Variants in OSBPL10 observed in about 807,000 individuals in gnomAD.
The protein encoded by OSBPL10 is oxysterol-binding protein-related protein 10.
OSBPL10 carries 49 observed loss-of-function variants against 81.7 expected under a neutral mutation model. The observed-to-expected ratio is 0.60, with a 90% confidence interval of 0.48 to 0.76. The LOEUF (loss-of-function observed/expected upper bound fraction) is 0.76, where lower values mean the gene tolerates loss of function less well. Ranked by LOEUF, OSBPL10 falls within the 30% of genes least tolerant of loss-of-function variation. OSBPL10 has a pLI of 0.00. For missense variants in OSBPL10, 923 were observed against 987.8 expected, an observed-to-expected ratio of 0.93 and a Z score of 0.88; for synonymous variants, 419 against 383.6, an observed-to-expected ratio of 1.09 and a Z score of -1.08.
At chr3:32,010,528 G>A (rs960808476) in intron 2 of OSBPL10, among the ~76,000 whole-genome samples, 1 of 152,178 alleles carries the variant, frequency 6.6e-6, no homozygotes, top group African/African-American at 2.4e-5. Flanking sequence ...TGCAGAATAT[G>A]AATGATTTCT....
intron 8 of OSBPL10, among the ~76,000 whole-genome samples, chr3:31,673,857 G>A (rs576434466): frequency 3.3e-5 from 5 of 151,862 alleles, no homozygotes; most frequent in African/African-American, 4.8e-5. Context: ...GCAGTGGCGC[G>A]ATCATGGCTC....
At chr3:31,857,469 G>C (rs976382386) in intron 3 of OSBPL10, among the ~76,000 whole-genome samples, 1 of 151,912 alleles carries the variant, frequency 6.6e-6, no homozygotes, top group Non-Finnish European at 1.5e-5. Flanking sequence ...ATCAGTGACT[G>C]CCTGATGGAG....
At chr3:31,950,454 A>G (rs551600536) in intron 1 of OSBPL10, among the ~76,000 whole-genome samples, 37 of 152,354 alleles carry the variant, frequency 2.4e-4, no homozygotes, top group East Asian at 7.7e-4. Flanking sequence ...AATTCTTACT[A>G]TATCAAAAAC....
chr3:31,747,504 A>C (rs909217451), intron 5 of OSBPL10, among the ~76,000 whole-genome samples: 1 of 151,466 alleles, frequency 6.6e-6, no homozygotes, highest in Non-Finnish European at 1.5e-5. Context: ...AAAAAAAAAA[A>C]AAAAAACACA....
upstream of OSBPL10, among the ~76,000 whole-genome samples, chr3:31,984,603 G>C (rs1225269608): frequency 6.6e-6 from 1 of 152,180 alleles, no homozygotes; most frequent in African/African-American, 2.4e-5. Context: ...ATCTATAGGA[G>C]TGATGGGGAG....
intron 1 of OSBPL10, among the ~76,000 whole-genome samples, chr3:31,891,273 G>T (rs1241383416): frequency 1.3e-5 from 2 of 152,178 alleles, no homozygotes; most frequent in Non-Finnish European, 2.9e-5. Flanking sequence ...TTAAAACACA[G>T]CTTCCTGGGC....
chr3:31,688,729 A>G (rs932401941), intron 7 of OSBPL10, among the ~76,000 whole-genome samples: 6 of 152,256 alleles, frequency 3.9e-5, no homozygotes, highest in African/African-American at 1.4e-4. Context: ...CTCGAGCAAC[A>G]TGAGAATATT....
At chr3:31,730,976 G>A (rs752292260) in intron 6 of OSBPL10, among the ~76,000 whole-genome samples, 1 of 152,140 alleles carries the variant, frequency 6.6e-6, no homozygotes, top group African/African-American at 2.4e-5. Context: ...CTGCTCATAA[G>A]GCATTCTTAA....
At chr3:31,793,614 T>G (rs1395138615) in intron 4 of OSBPL10, among the ~76,000 whole-genome samples, 1 of 152,196 alleles carries the variant, frequency 6.6e-6, no homozygotes, top group Non-Finnish European at 1.5e-5. Flanking sequence ...GACTGTTCTC[T>G]CTCAAGGTCT....
chr3:31,980,845 A>ACATACACACACGCACG (rs1348392194), intron 1 of OSBPL10, 54 bp downstream of exon 1: 1 of 790,604 alleles, frequency 1.3e-6, no homozygotes, highest in African/African-American at 1.3e-4. Context: ...ACGCACGCAC[A>ACATACACACACGCACG]CACACACACA....
chr3:31,812,648 T>A (rs1341049065), intron 4 of OSBPL10, among the ~76,000 whole-genome samples: 1 of 150,026 alleles, frequency 6.7e-6, no homozygotes, highest in African/African-American at 2.5e-5. Flanking sequence ...CACCTTCTCA[T>A]CTCCTGAATG....
At chr3:31,773,478 T>C (rs1178091032) in intron 4 of OSBPL10, among the ~76,000 whole-genome samples, 1 of 152,148 alleles carries the variant, frequency 6.6e-6, no homozygotes, top group African/African-American at 2.4e-5. Flanking sequence ...GTGAATCACT[T>C]AGAAATGTTG....
intron 3 of OSBPL10, among the ~76,000 whole-genome samples, chr3:31,841,879 G>C (rs775525386): frequency 2.0e-5 from 3 of 152,126 alleles, no homozygotes; most frequent in Non-Finnish European, 2.9e-5. Context: ...ATGAAACTAA[G>C]CTGTATAATT....
intron 4 of OSBPL10, among the ~76,000 whole-genome samples, chr3:31,812,822 A>AAGAAAGAAAG (rs1699741960): frequency 5.8e-5 from 7 of 119,738 alleles, no homozygotes; most frequent in Non-Finnish European, 9.0e-5. Flanking sequence ...AAGAAAGAGA[A>AAGAAAGAAAG]AGAAAGAAAG....
chr3:31,719,948 A>G (rs1696581161), intron 6 of OSBPL10, among the ~76,000 whole-genome samples: 1 of 151,708 alleles, frequency 6.6e-6, no homozygotes, highest in Non-Finnish European at 1.5e-5. Flanking sequence ...CGTACTGACA[A>G]GGGAAGATAC....
At chr3:31,767,266 T>A (rs1698229336) in intron 4 of OSBPL10, among the ~76,000 whole-genome samples, 1 of 152,194 alleles carries the variant, frequency 6.6e-6, no homozygotes, top group African/African-American at 2.4e-5. Context: ...GGGAATAAGT[T>A]CTTCTCCCAC....
At chr3:31,953,582 A>AT (rs1049031909) in intron 1 of OSBPL10, among the ~76,000 whole-genome samples, 1 of 151,820 alleles carries the variant, frequency 6.6e-6, no homozygotes, top group African/African-American at 2.4e-5. Flanking sequence ...TAATTTTTGT[A>AT]TTTTTTGTAA....
At chr3:31,881,818 T>G (rs571030325) in intron 1 of OSBPL10, among the ~76,000 whole-genome samples, 8 of 152,230 alleles carry the variant, frequency 5.3e-5, no homozygotes, top group Non-Finnish European at 8.8e-5. Context: ...CCAGCAAAGT[T>G]CACAAACCTC....
chr3:31,979,945 T>C (rs1649130266), intron 1 of OSBPL10, among the ~76,000 whole-genome samples: 1 of 152,002 alleles, frequency 6.6e-6, no homozygotes, highest in African/African-American at 2.4e-5. Flanking sequence ...AAATTGCTAC[T>C]AATATTAAAA....
Sources: gnomAD v4.1 joint callset for allele counts (sites outside exome capture counted in the v4.1 genomes callset) on GRCh38, gnomAD v4.1.1 for gene constraint, MANE v1.5 for transcripts, NCBI Gene and HGNC (gene_info 2026-07-23, HGNC 2026-07-21) for gene names.